SPHKAP: variants seen among roughly 807,000 people sequenced by gnomAD.
The protein encoded by SPHKAP is SPHK1 interactor, AKAP domain containing.
A neutral mutation model predicts 137.5 loss-of-function variants in SPHKAP; 67 were observed. That is an observed-to-expected ratio of 0.49 (90% CI 0.40 to 0.60). SPHKAP has a LOEUF of 0.60. Ranked by LOEUF, SPHKAP falls within the 20% of genes least tolerant of loss-of-function variation. The pLI is 0.00. For missense variants in SPHKAP, 2,097 were observed against 2,069.3 expected (o/e 1.01, Z -0.26); for synonymous variants, 813 against 785.3 (o/e 1.04, Z -0.59).
At chr2:228,001,969 T>C (rs959206326) in intron 7 of SPHKAP, among the ~76,000 whole-genome samples, 10 of 152,198 alleles carry the variant, frequency 6.6e-5, no homozygotes, top group Admixed American at 1.3e-4. Flanking sequence ...CAGTCTATCA[T>C]TGTTGGATAT....
chr2:228,065,896 C>A (rs1696813045), intron 3 of SPHKAP, among the ~76,000 whole-genome samples: 1 of 152,154 alleles, frequency 6.6e-6, no homozygotes, highest in South Asian at 2.1e-4. Flanking sequence ...TGCCTGCACT[C>A]AACAAAATTA....
chr2:228,080,368 A>G (rs1697323527), intron 3 of SPHKAP, among the ~76,000 whole-genome samples: 1 of 152,230 alleles, frequency 6.6e-6, no homozygotes, highest in Non-Finnish European at 1.5e-5. Context: ...CAAGTATATG[A>G]ACAAAAAATG....
At chr2:228,013,525 G>A (rs1473017018) in intron 7 of SPHKAP, among the ~76,000 whole-genome samples, 3 of 152,152 alleles carry the variant, frequency 2.0e-5, no homozygotes, top group South Asian at 2.1e-4. Context: ...GATTATAGGC[G>A]TGAGCCACCA....
intron 1 of SPHKAP, among the ~76,000 whole-genome samples, chr2:228,137,321 G>A (rs535448936): frequency 6.6e-6 from 1 of 152,270 alleles, no homozygotes; most frequent in South Asian, 2.1e-4. Context: ...TTATCTTTCT[G>A]AGCATCCTGG....
At chr2:228,155,086 T>C (rs1302621878) in intron 1 of SPHKAP, among the ~76,000 whole-genome samples, 1 of 152,138 alleles carries the variant, frequency 6.6e-6, no homozygotes, top group African/African-American at 2.4e-5. Context: ...AAAGTTTTCT[T>C]ATTTAGTTCC....
intron 3 of SPHKAP, among the ~76,000 whole-genome samples, chr2:228,042,305 G>T (rs891596305): frequency 2.0e-5 from 3 of 151,902 alleles, no homozygotes; most frequent in Non-Finnish European, 4.4e-5. Context: ...CAAAATCTCG[G>T]GTTGGGGCCT....
intron 2 of SPHKAP, among the ~76,000 whole-genome samples, chr2:228,125,616 C>T (rs891567898): frequency 6.6e-6 from 1 of 152,040 alleles, no homozygotes; most frequent in African/African-American, 2.4e-5. Flanking sequence ...AATATCCCAC[C>T]GCAGCCCTGG....
intron 1 of SPHKAP, among the ~76,000 whole-genome samples, chr2:228,172,242 T>C (rs1239242701): frequency 6.6e-6 from 1 of 152,180 alleles, no homozygotes; most frequent in African/African-American, 2.4e-5. Context: ...CATCCCTAAA[T>C]AGCAGCAGCT....
intron 4 of SPHKAP, 37 bp downstream of exon 4, chr2:228,027,447 T>C (rs746863040): frequency 6.2e-7 from 1 of 1,600,076 alleles, no homozygotes; most frequent in South Asian, 1.1e-5. Context: ...ATAGTCCTTG[T>C]AATGACCTCC....
intron 7 of SPHKAP, among the ~76,000 whole-genome samples, chr2:228,000,850 T>G (rs536932896): frequency 3.8e-4 from 58 of 152,256 alleles, no homozygotes; most frequent in African/African-American, 1.3e-3. Context: ...TATAAACATC[T>G]GTGTGCAGGT....
intron 2 of SPHKAP, among the ~76,000 whole-genome samples, chr2:228,127,721 A>T (rs959209026): frequency 6.6e-6 from 1 of 152,134 alleles, no homozygotes; most frequent in East Asian, 1.9e-4. Flanking sequence ...TGTAGCTTTT[A>T]ATGAAAACAA....
At chr2:228,001,348 C>T (rs868346225) in intron 7 of SPHKAP, among the ~76,000 whole-genome samples, 1 of 138,980 alleles carries the variant, frequency 7.2e-6, no homozygotes, top group African/African-American at 2.7e-5. Context: ...AATATATATA[C>T]ACATATATAA....
At chr2:228,025,101 T>C (rs549066605) in intron 5 of SPHKAP, among the ~76,000 whole-genome samples, 9 of 152,318 alleles carry the variant, frequency 5.9e-5, no homozygotes, top group African/African-American at 1.9e-4. Flanking sequence ...ATCCAGTAGA[T>C]TTGTAGAAAA....
intron 8 of SPHKAP, 136 bp downstream of exon 8, chr2:227,995,373 A>G (rs778868804): frequency 9.0e-6 from 9 of 1,005,380 alleles, no homozygotes; most frequent in Non-Finnish European, 1.4e-5. Flanking sequence ...AGGCCCCTCG[A>G]CATAGTGGGA....
chr2:228,176,263 C>T (rs1327562025), intron 1 of SPHKAP, among the ~76,000 whole-genome samples: 2 of 152,162 alleles, frequency 1.3e-5, no homozygotes, highest in East Asian at 3.9e-4. Context: ...TTCTCGAAGA[C>T]AAGCTTTCTT....
intron 2 of SPHKAP, among the ~76,000 whole-genome samples, chr2:228,127,051 C>T (rs756024171): frequency 5.9e-5 from 9 of 152,234 alleles, no homozygotes; most frequent in Non-Finnish European, 8.8e-5. Context: ...AAAGATGACA[C>T]GATTACATGA....
intron 7 of SPHKAP, among the ~76,000 whole-genome samples, chr2:228,006,493 C>CT (rs1374722868): frequency 6.6e-6 from 1 of 152,138 alleles, no homozygotes; most frequent in Non-Finnish European, 1.5e-5. Flanking sequence ...AAACTTCCTC[C>CT]TTTAGCTCGG....
chr2:227,991,242 T>C (rs16824284), intron 10 of SPHKAP, 32 bp downstream of exon 10: 276,370 of 1,614,000 alleles, frequency 0.17, 26,533 homozygotes, highest in East Asian at 0.39. Context: ...GCCCAGGCAA[T>C]TGTGTGTCAA....
At chr2:228,028,875 C>T (rs1387153797) in intron 3 of SPHKAP, among the ~76,000 whole-genome samples, 1 of 152,158 alleles carries the variant, frequency 6.6e-6, no homozygotes, top group East Asian at 1.9e-4. Flanking sequence ...TAGAAAACTA[C>T]TATGAGCATT....
Sources: allele counts gnomAD v4.1 joint callset (sites outside exome capture counted in the v4.1 genomes callset), GRCh38; gene constraint gnomAD v4.1.1; transcripts MANE v1.5; gene names NCBI Gene and HGNC (gene_info 2026-07-23, HGNC 2026-07-21).